Variants in MTSS1 observed in about 807,000 individuals in gnomAD.
MTSS1 encodes MTSS I-BAR domain containing 1, also known as protein MTSS 1.
A neutral mutation model predicts 79.0 loss-of-function variants in MTSS1; 18 were observed. The ratio of observed to expected loss-of-function variants is 0.23; its 90% CI spans 0.16 to 0.34. The LOEUF is 0.34. Among genes scored for constraint, MTSS1 ranks in the 10% least tolerant of loss-of-function variants. The pLI is 1.00. For missense variants in MTSS1, 815 were observed against 986.2 expected (o/e 0.83, Z 2.33); for synonymous variants, 341 against 368.6 (o/e 0.93, Z 0.86).
chr8:124,627,707 T>A (rs1814993341), intron 3 of MTSS1, among the ~76,000 whole-genome samples: 1 of 151,966 alleles, frequency 6.6e-6, no homozygotes, highest in Admixed American at 6.6e-5. Context: ...GAAAGGGTAA[T>A]GTAAGAAGAG....
intron 3 of MTSS1, among the ~76,000 whole-genome samples, chr8:124,679,430 C>T (rs1825796875): frequency 6.6e-6 from 1 of 152,210 alleles, no homozygotes; most frequent in South Asian, 2.1e-4. Context: ...GCCCAAGTCC[C>T]ATCTCGGATC....
chr8:124,610,410 C>A (rs991973202), intron 3 of MTSS1, among the ~76,000 whole-genome samples: 2 of 152,130 alleles, frequency 1.3e-5, no homozygotes, highest in African/African-American at 2.4e-5. Context: ...AAAGCCTTCG[C>A]GGGAACAGAT....
intron 6 of MTSS1, 108 bp from the exon 7 acceptor site, chr8:124,568,644 A>G (rs1276983175): frequency 3.3e-6 from 5 of 1,532,680 alleles, no homozygotes; most frequent in Non-Finnish European, 3.6e-6. Context: ...ATTTTCCAGG[A>G]TGTAAAAAAA....
chr8:124,558,856 G>A (rs752870620), intron 10 of MTSS1: 79 of 1,535,598 alleles, frequency 5.1e-5, no homozygotes, highest in Non-Finnish European at 6.4e-5. Context: ...GGGGCCACAC[G>A]AGGGGACCAA....
chr8:124,664,351 C>T (rs528508525), intron 3 of MTSS1, among the ~76,000 whole-genome samples: 6 of 152,336 alleles, frequency 3.9e-5, no homozygotes, highest in African/African-American at 1.4e-4. Context: ...GCTCCTCTAC[C>T]ACAGTGCCAG....
intron 3 of MTSS1, among the ~76,000 whole-genome samples, chr8:124,682,526 A>G (rs1055265422): frequency 2.0e-5 from 3 of 152,206 alleles, no homozygotes; most frequent in Admixed American, 2.0e-4. Flanking sequence ...TCTGAGCCTC[A>G]CGGAACAGGC....
chr8:124,622,984 G>A (rs186346167), intron 3 of MTSS1, among the ~76,000 whole-genome samples: 6 of 152,262 alleles, frequency 3.9e-5, no homozygotes, highest in Non-Finnish European at 7.4e-5. Context: ...GAGCACAGAC[G>A]AGCCCATCCC....
chr8:124,615,943 T>C (rs916664064), intron 3 of MTSS1, among the ~76,000 whole-genome samples: 5 of 152,150 alleles, frequency 3.3e-5, no homozygotes, highest in African/African-American at 1.2e-4. Flanking sequence ...GCTATGGCTA[T>C]TATGGCAGCC....
At chr8:124,699,393 T>G in intron 3 of MTSS1, 133 bp downstream of exon 3, 1 of 739,430 alleles carries the variant, frequency 1.4e-6, no homozygotes, top group East Asian at 2.8e-5. Context: ...TCCCACAGAG[T>G]TTTAAAAAAT....
In MTSS1 at chr8:124,611,116, C is replaced by G. The variant is rs142342875; in HGVS notation, c.209-19881G>C. Among the ~76,000 whole-genome samples, 918 of 148,802 alleles carry G rather than the reference C, an allele frequency of 6.2e-3. 23 individuals carry two copies. Among genetic ancestry groups the G allele is most frequent in the African/African-American group, 0.021 (828 of 40,300 alleles). ...AAACCCACCAGACAGACCCCCCCCCCCCAGCATGTGACTCAACAGTCACCT... is the reference window on the plus strand; with the variant it reads ...AAACCCACCAGACAGACCCCCCCCCGCCAGCATGTGACTCAACAGTCACCT... On this transcript the variant is annotated intron_variant, in intron 3 of 13. Coordinates refer to ENST00000518547, the MANE Select transcript of MTSS1 (RefSeq NM_014751.6).
intron 1 of MTSS1, among the ~76,000 whole-genome samples, chr8:124,724,338 G>T (rs556026966): frequency 6.6e-6 from 1 of 152,166 alleles, no homozygotes; most frequent in African/African-American, 2.4e-5. Flanking sequence ...AACACAGGTG[G>T]GGGGCGGTGG....
chr8:124,697,287 C>T (rs752397978), intron 3 of MTSS1, among the ~76,000 whole-genome samples: 1 of 151,108 alleles, frequency 6.6e-6, no homozygotes, highest in Non-Finnish European at 1.5e-5. Flanking sequence ...GGGCCAGGCA[C>T]GGTGGCTCAC....
intron 3 of MTSS1, among the ~76,000 whole-genome samples, chr8:124,664,388 C>T (rs1822666874): frequency 6.6e-6 from 1 of 152,226 alleles, no homozygotes. Context: ...TAGCTTCCTA[C>T]TGGCCTTTAA....
At chr8:124,628,762 C>T (rs912608029) in intron 3 of MTSS1, among the ~76,000 whole-genome samples, 12 of 152,202 alleles carry the variant, frequency 7.9e-5, no homozygotes, top group East Asian at 1.9e-4. Flanking sequence ...ATCTAATCCT[C>T]GCAACAACCC....
chr8:124,660,912 G>A (rs1280848025), intron 3 of MTSS1, among the ~76,000 whole-genome samples: 3 of 152,060 alleles, frequency 2.0e-5, no homozygotes, highest in African/African-American at 4.8e-5. Flanking sequence ...AGGTCCGAGT[G>A]GAACACACAT....
At chr8:124,711,608 A>C (rs561330820) in intron 1 of MTSS1, among the ~76,000 whole-genome samples, 2 of 152,300 alleles carry the variant, frequency 1.3e-5, no homozygotes, top group South Asian at 4.1e-4. Flanking sequence ...AGAGCAGAAG[A>C]GGACAAGGGT....
chr8:124,642,494 G>C (rs1436225422), intron 3 of MTSS1, among the ~76,000 whole-genome samples: 4 of 152,160 alleles, frequency 2.6e-5, no homozygotes, highest in African/African-American at 9.7e-5. Context: ...TAGATCTCTA[G>C]GCATCTCCTT....
At chr8:124,605,577 T>TCCCTGCCCTCTCGCTGCCTCCCC in intron 3 of MTSS1, among the ~76,000 whole-genome samples, 1 of 142,048 alleles carries the variant, frequency 7.0e-6, no homozygotes, top group Admixed American at 6.8e-5. Context: ...GCTGCCTCCC[T>TCCCTGCCCTCTCGCTGCCTCCCC]CCCTGCCCTC....
At chr8:124,644,931 C>T (rs1177232376) in intron 3 of MTSS1, among the ~76,000 whole-genome samples, 2 of 152,180 alleles carry the variant, frequency 1.3e-5, no homozygotes, top group African/African-American at 4.8e-5. Context: ...TTAGGTATGT[C>T]ATACACAGAT....
Sources: gnomAD v4.1 joint callset for allele counts (sites outside exome capture counted in the v4.1 genomes callset) on GRCh38, gnomAD v4.1.1 for gene constraint, MANE v1.5 for transcripts, NCBI Gene and HGNC (gene_info 2026-07-23, HGNC 2026-07-21) for gene names.